ERC1: variants seen among roughly 807,000 people sequenced by gnomAD.
ERC1 encodes ELKS/RAB6-interacting/CAST family member 1.
ERC1 carries 56 observed loss-of-function variants against 132.0 expected under a neutral mutation model. The ratio of observed to expected loss-of-function variants is 0.42; its 90% confidence interval spans 0.34 to 0.53. ERC1 has a LOEUF of 0.53. Among genes scored for constraint, ERC1 ranks in the 20% least tolerant of loss-of-function variants. The pLI is 0.03. For synonymous variants in ERC1, 478 were observed against 476.1 expected (o/e 1.00, Z -0.05); for missense variants, 1,202 against 1,349.9 (o/e 0.89, Z 1.72).
intron 15 of ERC1, among the ~76,000 whole-genome samples, chr12:1,361,271 G>GGGA (rs1235820740): frequency 8.3e-6 from 1 of 120,402 alleles, no homozygotes; most frequent in Non-Finnish European, 1.7e-5. Flanking sequence ...GGTGGGGGGA[G>GGGA]GGAGGAGGGA....
intron 7 of ERC1, among the ~76,000 whole-genome samples, chr12:1,126,403 G>C (rs539575586): frequency 6.6e-6 from 1 of 152,254 alleles, no homozygotes; most frequent in East Asian, 1.9e-4. Flanking sequence ...AATTAAGCAA[G>C]TATGAGAAAA....
intron 16 of ERC1, among the ~76,000 whole-genome samples, chr12:1,392,106 T>G (rs1056983694): frequency 2.0e-5 from 3 of 151,940 alleles, no homozygotes; most frequent in African/African-American, 7.3e-5. Flanking sequence ...AGGGCAGAGA[T>G]TGGGCTCAAC....
chr12:1,127,946 C>G (rs887245504), intron 7 of ERC1, among the ~76,000 whole-genome samples: 1 of 152,148 alleles, frequency 6.6e-6, no homozygotes, highest in East Asian at 1.9e-4. Flanking sequence ...AAAGGTCGGA[C>G]GAGAAAAAAA....
intron 8 of ERC1, among the ~76,000 whole-genome samples, chr12:1,144,496 G>A (rs1251664927): frequency 6.6e-6 from 1 of 151,890 alleles, no homozygotes; most frequent in African/African-American, 2.4e-5. Context: ...GTGAGAACAT[G>A]CAATGTTTGG....
At chr12:1,322,203 ATAAC>A (rs1159934822) in intron 15 of ERC1, among the ~76,000 whole-genome samples, 3 of 152,264 alleles carry the variant, frequency 2.0e-5, no homozygotes, top group Admixed American at 6.5e-5. Context: ...GAGCATAATA[ATAAC>A]TAATTCATAA....
At chr12:1,019,464 C>G (rs144440449) in intron 1 of ERC1, among the ~76,000 whole-genome samples, 1 of 152,258 alleles carries the variant, frequency 6.6e-6, no homozygotes, top group Non-Finnish European at 1.5e-5. Context: ...AGCACACATT[C>G]CATTAGCTGT....
chr12:1,208,122 T>C (rs749851831), intron 12 of ERC1, among the ~76,000 whole-genome samples: 9 of 152,160 alleles, frequency 5.9e-5, no homozygotes, highest in Non-Finnish European at 8.8e-5. Context: ...GATCAGAAAA[T>C]TGACTTTACA....
chr12:1,099,096 T>C (rs1944381108), intron 3 of ERC1, among the ~76,000 whole-genome samples: 1 of 152,144 alleles, frequency 6.6e-6, no homozygotes, highest in South Asian at 2.1e-4. Flanking sequence ...TTAGAATTCG[T>C]TGGTGGTCTT....
intron 7 of ERC1, among the ~76,000 whole-genome samples, chr12:1,123,527 A>G (rs964642990): frequency 2.6e-5 from 4 of 152,258 alleles, no homozygotes; most frequent in Non-Finnish European, 4.4e-5. Flanking sequence ...ATAGAAAAAA[A>G]TTTAAAAATA....
chr12:1,107,824 T>TGTG (rs1043461884), intron 4 of ERC1, among the ~76,000 whole-genome samples: 240 of 152,140 alleles, frequency 1.6e-3, no homozygotes, highest in African/African-American at 5.6e-3. Context: ...CCTGCTCCTT[T>TGTG]GTGGTGTTGG....
intron 3 of ERC1, among the ~76,000 whole-genome samples, chr12:1,103,013 T>G (rs1944850925): frequency 6.6e-6 from 1 of 152,232 alleles, no homozygotes; most frequent in Non-Finnish European, 1.5e-5. Context: ...CTTTTTTCTT[T>G]TTCCTCTTTT....
intron 6 of ERC1, among the ~76,000 whole-genome samples, chr12:1,113,839 T>G (rs937959610): frequency 1.3e-5 from 2 of 152,180 alleles, no homozygotes; most frequent in Non-Finnish European, 2.9e-5. Context: ...TATTACTAAT[T>G]AGGAAACTGA....
chr12:1,120,583 T>G (rs1345867096), intron 7 of ERC1, among the ~76,000 whole-genome samples: 1 of 152,192 alleles, frequency 6.6e-6, no homozygotes, highest in Non-Finnish European at 1.5e-5. Context: ...GTTCCAAAAT[T>G]GTGATGCTAT....
chr12:1,447,609 G>A (rs1177771414), intron 18 of ERC1, among the ~76,000 whole-genome samples: 3 of 149,480 alleles, frequency 2.0e-5, no homozygotes, highest in South Asian at 4.2e-4. Flanking sequence ...TTATTCCTTT[G>A]TAAAACAGTT....
At chr12:1,150,635 T>C (rs1270385168) in intron 8 of ERC1, among the ~76,000 whole-genome samples, 1 of 152,220 alleles carries the variant, frequency 6.6e-6, no homozygotes, top group African/African-American at 2.4e-5. Context: ...TTTGACAGTA[T>C]GTGTACTTGA....
chr12:1,045,451 T>C (rs116612728), intron 2 of ERC1, among the ~76,000 whole-genome samples: 5,253 of 152,228 alleles, frequency 0.035, 91 homozygotes, highest in Middle Eastern at 0.061. Context: ...ATTGTAGATA[T>C]AGATGCTAAT....
intron 15 of ERC1, among the ~76,000 whole-genome samples, chr12:1,339,818 G>T (rs928315598): frequency 2.0e-5 from 3 of 152,118 alleles, no homozygotes; most frequent in African/African-American, 7.2e-5. Flanking sequence ...CTCTGTGCCT[G>T]GTTTCACTCC....
intron 17 of ERC1, among the ~76,000 whole-genome samples, chr12:1,427,826 T>G (rs2092684963): frequency 6.6e-6 from 1 of 152,212 alleles, no homozygotes. Flanking sequence ...ATATAGGACG[T>G]GCTCAATAAA....
chr12:1,034,867 G>T (rs181123163), intron 2 of ERC1, among the ~76,000 whole-genome samples: 7 of 152,302 alleles, frequency 4.6e-5, no homozygotes, highest in Middle Eastern at 3.4e-3. Flanking sequence ...GAATACTTCA[G>T]TTCCAGTGAA....
Sources: gnomAD v4.1 joint callset for allele counts (sites outside exome capture counted in the v4.1 genomes callset) on GRCh38, gnomAD v4.1.1 for gene constraint, MANE v1.5 for transcripts, NCBI Gene and HGNC (gene_info 2026-07-23, HGNC 2026-07-21) for gene names.